ENOX1: variants seen among roughly 807,000 people sequenced by gnomAD.
ENOX1 encodes the protein candidate growth-related and time keeping constitutive hydroquinone (NADH) oxidase.
Under a neutral mutation model 82.5 loss-of-function variants are expected in ENOX1, and 42 were observed. That is an observed-to-expected ratio of 0.51 (90% CI 0.40 to 0.66). The LOEUF (loss-of-function observed/expected upper bound fraction) is 0.66. Among genes scored for constraint, ENOX1 ranks in the 30% least tolerant of loss-of-function variants. ENOX1 has a pLI of 0.00. For missense variants in ENOX1, 608 were observed against 811.6 expected, an observed-to-expected ratio of 0.75 and a Z score of 3.05; for synonymous variants, 271 against 282.2, an observed-to-expected ratio of 0.96 and a Z score of 0.40.
chr13:43,351,533 G>A (rs1246625055), intron 8 of ENOX1, among the ~76,000 whole-genome samples: 3 of 143,284 alleles, frequency 2.1e-5, no homozygotes, highest in South Asian at 2.3e-4. Flanking sequence ...CCACTAACTC[G>A]TCATCTAGCC....
intron 1 of ENOX1, among the ~76,000 whole-genome samples, chr13:43,671,389 G>A (rs749212805): frequency 6.6e-6 from 1 of 152,166 alleles, no homozygotes; most frequent in Non-Finnish European, 1.5e-5. Context: ...GTGCTGCTTT[G>A]GGCAGAGACC....
At chr13:43,309,025 C>CT (rs138771171) in intron 11 of ENOX1, among the ~76,000 whole-genome samples, 133 of 138,588 alleles carry the variant, frequency 9.6e-4, no homozygotes, top group African/African-American at 3.4e-3. Context: ...CTCAAAGTTA[C>CT]TTTTTTTTTT....
At chr13:43,336,908 T>C (rs1201058287) in intron 9 of ENOX1, among the ~76,000 whole-genome samples, 1 of 152,214 alleles carries the variant, frequency 6.6e-6, no homozygotes, top group East Asian at 1.9e-4. Context: ...CAAAAGTCTT[T>C]CCACCATTTG....
chr13:43,270,931 A>T (rs2044642120), intron 12 of ENOX1, among the ~76,000 whole-genome samples: 1 of 152,186 alleles, frequency 6.6e-6, no homozygotes, highest in Non-Finnish European at 1.5e-5. Flanking sequence ...ACAGAAACCA[A>T]GGAGCCCATT....
intron 2 of ENOX1, among the ~76,000 whole-genome samples, chr13:43,624,762 T>C (rs1340207686): frequency 6.6e-5 from 10 of 152,130 alleles, no homozygotes; most frequent in Admixed American, 5.2e-4. Context: ...CAGTGATATA[T>C]CTCTATCCAT....
chr13:43,730,961 A>G (rs1186236240), intron 1 of ENOX1, among the ~76,000 whole-genome samples: 1 of 152,092 alleles, frequency 6.6e-6, no homozygotes, highest in East Asian at 1.9e-4. Flanking sequence ...CTGCTCTTTA[A>G]CATTGCTCCC....
chr13:43,695,106 T>G (rs971070830), intron 1 of ENOX1, among the ~76,000 whole-genome samples: 1 of 152,132 alleles, frequency 6.6e-6, no homozygotes, highest in Non-Finnish European at 1.5e-5. Flanking sequence ...TGAGTGGGGC[T>G]TAGTCCTGAG....
At chr13:43,777,884 A>G (rs963766444) in intron 1 of ENOX1, among the ~76,000 whole-genome samples, 2 of 152,246 alleles carry the variant, frequency 1.3e-5, no homozygotes, top group Non-Finnish European at 1.5e-5. Context: ...AAAAAATAGC[A>G]TAAGTATGTA....
At chr13:43,785,709 T>C (rs1295052584) in intron 1 of ENOX1, among the ~76,000 whole-genome samples, 1 of 152,140 alleles carries the variant, frequency 6.6e-6, no homozygotes, top group African/African-American at 2.4e-5. Context: ...TCGACCCCAC[T>C]TTCCCCATGT....
chr13:43,625,872 G>C (rs183355112), intron 2 of ENOX1, among the ~76,000 whole-genome samples: 1 of 151,960 alleles, frequency 6.6e-6, no homozygotes, highest in Admixed American at 6.6e-5. Context: ...ATTGGAAAGC[G>C]TTGCTTCCTT....
intron 5 of ENOX1, among the ~76,000 whole-genome samples, chr13:43,381,988 A>G (rs997255001): frequency 6.6e-6 from 1 of 152,072 alleles, no homozygotes; most frequent in Non-Finnish European, 1.5e-5. Context: ...CCAGAAAATT[A>G]AAGGGTATAC....
chr13:43,363,873 G>A (rs533311919), intron 5 of ENOX1, among the ~76,000 whole-genome samples: 137 of 152,290 alleles, frequency 9.0e-4, no homozygotes, highest in African/African-American at 2.7e-3. Context: ...CTTGTACAAC[G>A]TATTTTAATA....
At chr13:43,670,583 G>A (rs910208882) in intron 1 of ENOX1, among the ~76,000 whole-genome samples, 10 of 152,168 alleles carry the variant, frequency 6.6e-5, no homozygotes, top group Admixed American at 5.9e-4. Context: ...GCTGGGAGCG[G>A]TGGCTCATGC....
At chr13:43,538,141 G>A (rs1340203910) in intron 2 of ENOX1, among the ~76,000 whole-genome samples, 5 of 152,310 alleles carry the variant, frequency 3.3e-5, no homozygotes, top group Admixed American at 2.0e-4. Context: ...CCTGCCAGGT[G>A]TGTGCACGCT....
intron 1 of ENOX1, among the ~76,000 whole-genome samples, chr13:43,672,961 C>T (rs577184605): frequency 8.7e-4 from 133 of 152,154 alleles, no homozygotes; most frequent in Middle Eastern, 3.4e-3. Flanking sequence ...CTCTTACCTC[C>T]CAAAGCCATC....
intron 14 of ENOX1, among the ~76,000 whole-genome samples, chr13:43,250,852 T>C (rs1438571473): frequency 2.6e-5 from 4 of 152,186 alleles, no homozygotes; most frequent in Non-Finnish European, 5.9e-5. Flanking sequence ...AAATACAGTA[T>C]GATATAAGCC....
At position 43,748,133 on chromosome 13, in the gene ENOX1, GTTTGT is replaced by G. The variant is rs146720435; in HGVS notation, c.-285+38514_-285+38518del. On this transcript the variant is annotated intron_variant, in intron 1 of 16. Coordinates refer to ENST00000690772, the MANE Select transcript of ENOX1 (RefSeq NM_001347969.2). ...AAGCATGTATATTACCATAACACGAGTTTGTTTTAATAACTTGATAACTATTTCAA... is the reference window on the plus strand; with the variant it reads ...AAGCATGTATATTACCATAACACGAGTTTAATAACTTGATAACTATTTCAA... Among the ~76,000 whole-genome samples the G allele has an allele frequency of 3.6e-3, 549 of 152,280 alleles. 6 individuals are homozygous for G. The highest frequency in any genetic ancestry group is 0.013 in the African/African-American group (531 of 41,560).
intron 2 of ENOX1, among the ~76,000 whole-genome samples, chr13:43,596,527 T>A (rs961740511): frequency 2.0e-5 from 3 of 152,238 alleles, no homozygotes; most frequent in African/African-American, 7.2e-5. Flanking sequence ...TATTTTTGAG[T>A]CACTCAAGAG....
chr13:43,329,236 A>G (rs1462793575), intron 9 of ENOX1, among the ~76,000 whole-genome samples: 1 of 152,174 alleles, frequency 6.6e-6, no homozygotes, highest in Non-Finnish European at 1.5e-5. Context: ...ATGTATGCTA[A>G]CTCTGATTGG....
Sources: allele counts gnomAD v4.1 joint callset (sites outside exome capture counted in the v4.1 genomes callset), GRCh38; gene constraint gnomAD v4.1.1; transcripts MANE v1.5; gene names NCBI Gene and HGNC (gene_info 2026-07-23, HGNC 2026-07-21).